Variants in DCHS1 observed in about 807,000 individuals in gnomAD.
The protein encoded by DCHS1 is protocadherin-16.
In DCHS1, 78 loss-of-function variants were observed where a neutral mutation model predicts 213.9. That is an observed-to-expected ratio of 0.36 (90% confidence interval 0.30 to 0.44). The LOEUF is 0.44. DCHS1 is among the 20% of genes least tolerant of loss of function. The pLI, the probability that DCHS1 is intolerant of heterozygous loss-of-function variation, is 1.00. For missense variants in DCHS1, 3,946 were observed against 4,395.9 expected (o/e 0.90, Z 2.89); for synonymous variants, 1,828 against 1,873.7 (o/e 0.98, Z 0.63).
chr11:6,645,086 A>G (rs1437029316), intron 1 of DCHS1, among the ~76,000 whole-genome samples: 2 of 152,228 alleles, frequency 1.3e-5, no homozygotes, highest in Non-Finnish European at 2.9e-5. Context: ...GGTTTTGTGA[A>G]AATTAGAAAC....
At position 6,625,151 on chromosome 11, in the gene DCHS1, A is replaced by T; in HGVS notation, c.7146+47T>A. ...GCTAGCTCTGATACTTCCCTCCAAC[A>T]GGAACAACCCAGGCCCAGGTGTAGG... is the stretch of plus-strand genomic sequence containing the variant. On this transcript the variant is annotated intron_variant, in intron 19 of 20. Coordinates refer to ENST00000299441, the MANE Select transcript of DCHS1 (RefSeq NM_003737.4). The surrounding 1 kb of genome is among the most constrained non-coding windows in gnomAD (Gnocchi z 5.3). 6.5e-7 allele frequency: 1 copy of T among 1,531,020 alleles called. No homozygotes were observed. The highest frequency in any genetic ancestry group is 1.3e-5 in the South Asian group (1 of 76,816). The allele number at this position is 1,531,020 out of a possible 1,614,324, so 94.8% of individuals were successfully genotyped here.
At position 6,628,613 on chromosome 11, in the gene DCHS1, G is replaced by A. The variant is rs752760806; in HGVS notation, c.5371+8C>T. ...TGCTGAATTAAGTGGGAGTGGGAAG[G>A]TTCTCACCTAGGATGCGGTACTGCA... On this transcript the variant is annotated splice_region_variant and intron_variant, in intron 13 of 20. Transcript: ENST00000299441. This position sits in a 1 kb window ranked among gnomAD's most constrained non-coding sequence, Gnocchi z 4.3. The A allele has an allele frequency of 6.2e-7, 1 of 1,613,828 alleles. No individual in the cohort carries two copies. The highest frequency in any genetic ancestry group is 1.3e-5 in the African/African-American group (1 of 75,036).
In DCHS1 at chr11:6,621,438, T is replaced by G. The variant is rs1451016826; in HGVS notation, c.*341A>C. Reference sequence around the variant, plus strand: ...CCCAAAGGAGCTGGGTCCAAACATGTTGGAGGGACCTCCTCCATCCCCCTA... The same window carrying G: ...CCCAAAGGAGCTGGGTCCAAACATGGTGGAGGGACCTCCTCCATCCCCCTA... On this transcript the variant is annotated 3_prime_UTR_variant, in exon 21 of 21. Transcript: ENST00000299441. 2.5e-6 allele frequency: 1 copy of G among 407,062 alleles called. No individual in the cohort carries two copies. The highest frequency in any genetic ancestry group is 2.1e-5 in the South Asian group (1 of 46,896). 25.2% of individuals were successfully genotyped at this position (407,062 alleles called of 1,614,324 possible).
rs1251677517 is a variant in DCHS1, at chr11:6,630,329, C to T, written c.4465G>A (p.Asp1489Asn). 3 of 1,325,098 alleles carry T rather than the reference C, an allele frequency of 2.3e-6. No homozygotes were observed. The South Asian group carries it at 5.3e-5, about 23-fold the overall frequency. The allele number at this position is 1,325,098 out of a possible 1,614,324, so 82.1% of individuals were successfully genotyped here. Residue 1489 changes from aspartate to asparagine, a missense_variant, in exon 10 of 21, where the codon GAC becomes AAC. Physicochemically the swap from Asp to Asn is conservative, Grantham distance 23. This residue lies in a region of DCHS1 where 3,384 missense variants were observed against 3,780.1 expected (regional missense o/e 0.90). Coordinates refer to ENST00000299441, the MANE Select transcript of DCHS1 (RefSeq NM_003737.4). ...QEPPVPALRL[D>N]ARTGALSAPR... ...GCGCTGAGCGCCCCGGTGCGCGCGTCCAGGCGAAGCGCCGGCACGGGCGGC... is the reference window on the plus strand; with the variant it reads ...GCGCTGAGCGCCCCGGTGCGCGCGTTCAGGCGAAGCGCCGGCACGGGCGGC...
Position 6,632,593 on chromosome 11 carries a change from C to A in DCHS1, c.2919G>T (p.Gly973=), listed in dbSNP as rs770998949. ...AGTGGCTGGTGCGTGGTGGGGAGCCCCCATCCCGGGCCTCCAGCTCCAGCT... is the reference window on the plus strand; with the variant it reads ...AGTGGCTGGTGCGTGGTGGGGAGCCACCATCCCGGGCCTCCAGCTCCAGCT... ...AHELELEARD[G]GSPPRTSHFR... The change falls in exon 6 of 21, where the codon GGG becomes GGT. Residue 973 remains glycine, a synonymous_variant. Transcript: ENST00000299441. The surrounding 1 kb of genome is among the most constrained non-coding windows in gnomAD (Gnocchi z 5.9). The A allele has an allele frequency of 2.0e-6, 3 of 1,516,262 alleles. No individual in the cohort carries two copies. In the East Asian group the frequency reaches 7.3e-5, roughly 37 times the overall value. 93.9% of individuals were successfully genotyped at this position (1,516,262 alleles called of 1,614,324 possible). A position where few individuals can be genotyped will look rare whatever the true frequency, so the allele number is the denominator to read the frequency against.
chr11:6,630,239 G>A lies in DCHS1; in HGVS notation c.4555C>T (p.Pro1519Ser), dbSNP rs199544459. 3,807 of 1,549,598 alleles carry A rather than the reference G, an allele frequency of 2.5e-3. 11 individuals carry two copies. The highest frequency in any genetic ancestry group is 3.2e-3 in the Non-Finnish European group (3,658 of 1,150,492). ...GCACGACGGCGGCTGGCGTTGGCGG[G>A]CCGGTCGGTGGCTTCCACCAGCAGC... ...LLLLVEATDRPANASRRRAAR... is the reference protein window; with the variant it reads ...LLLLVEATDRSANASRRRAAR... The change falls in exon 10 of 21, where the codon CCC becomes TCC. Residue 1519 changes from proline to serine, a missense_variant. This residue lies in a region of DCHS1 where 3,384 missense variants were observed against 3,780.1 expected (regional missense o/e 0.90). Coordinates refer to ENST00000299441, the MANE Select transcript of DCHS1 (RefSeq NM_003737.4).
At chr11:6,624,527 T>C (rs1855762397) in intron 20 of DCHS1, 137 bp from the exon 21 acceptor site, 3 of 1,292,222 alleles carry the variant, frequency 2.3e-6, no homozygotes, top group South Asian at 1.5e-5. Context: ...GACAAGGGGA[T>C]GGCCTCAAGG....
In DCHS1 at chr11:6,624,146, A is replaced by G; in HGVS notation, c.7530T>C (p.Asp2510=). 1 of 1,612,256 alleles carries G rather than the reference A, an allele frequency of 6.2e-7. No homozygotes were observed. The highest frequency in any genetic ancestry group is 1.7e-4 in the Middle Eastern group (1 of 6,060). Residue 2510 remains aspartate, a synonymous_variant, in exon 21 of 21, where the codon GAT becomes GAC. Coordinates refer to ENST00000299441, the MANE Select transcript of DCHS1 (RefSeq NM_003737.4). ...TLLTLEATDA[D]GSRSHAAVDY... is the part of the protein sequence containing the mutation. ...CCACAGCGGCATGGCTGCGGCTTCCATCAGCATCTGTAGCCTCCAGGGTGA... is the reference window on the plus strand; with the variant it reads ...CCACAGCGGCATGGCTGCGGCTTCCGTCAGCATCTGTAGCCTCCAGGGTGA...
chr11:6,655,576 G>A lies in DCHS1; in HGVS notation c.-134C>T. ...GCGGGCACTGACCTCCGCGCGACGC[G>A]GGCTCCCTCGCCCGGTGCTGGGGCG... On this transcript the variant is annotated 5_prime_UTR_variant, in exon 1 of 21. Coordinates refer to ENST00000299441, the MANE Select transcript of DCHS1 (RefSeq NM_003737.4). 1.0e-6 allele frequency: 1 copy of A among 980,342 alleles called. No individual in the cohort carries two copies. Among genetic ancestry groups the A allele is most frequent in the Non-Finnish European group, 1.2e-6 (1 of 828,000 alleles). 60.7% of individuals were successfully genotyped at this position (980,342 alleles called of 1,614,324 possible).
Position 6,631,264 on chromosome 11 carries a change from T to G in DCHS1, c.3772+47A>C, listed in dbSNP as rs766424017. 6.8e-6 allele frequency: 11 copies of G among 1,613,826 alleles called. 1 individual carries two copies. In the South Asian group the frequency reaches 1.1e-4, roughly 16 times the overall value. On this transcript the variant is annotated intron_variant, in intron 8 of 20. Coordinates refer to ENST00000299441, the MANE Select transcript of DCHS1 (RefSeq NM_003737.4). ...TTGGGGCCCAGAGCTGGGCAGGCCATGAGGGCATGCCATCACCCACCAATT... is the reference window on the plus strand; with the variant it reads ...TTGGGGCCCAGAGCTGGGCAGGCCAGGAGGGCATGCCATCACCCACCAATT...
At position 6,623,541 on chromosome 11, in the gene DCHS1, C is replaced by T; in HGVS notation, c.8135G>A (p.Ser2712Asn). ...HGPAFPLNLL[S>N]TSVAENQPPG... ...AGGCTGATTCTCGGCCACGCTGGTG[C>T]TGAGTAAGTTCAGTGGGAAGGCTGG... Residue 2712 changes from serine (S) to asparagine (N), a missense_variant, in exon 21 of 21, where the codon AGC (serine) becomes AAC (asparagine). Ser to Asn is a conservative substitution (Grantham distance 46). Transcript: ENST00000299441. 6.2e-7 allele frequency: 1 copy of T among 1,611,660 alleles called. No individual in the cohort carries two copies. The highest frequency in any genetic ancestry group is 8.5e-7 in the Non-Finnish European group (1 of 1,178,964).
intron 1 of DCHS1, among the ~76,000 whole-genome samples, chr11:6,655,095 CA>C (rs1856295624): frequency 6.6e-6 from 1 of 152,148 alleles, no homozygotes; most frequent in African/African-American, 2.4e-5. Context: ...CTCTGTCACA[CA>C]CCCATCCTCC....
chr11:6,630,335 G>A lies in DCHS1; in HGVS notation c.4459C>T (p.Arg1487Cys), dbSNP rs1029423452. Residue 1487 changes from arginine (R) to cysteine (C), a missense_variant, in exon 10 of 21, where the codon CGC becomes TGC. Arg to Cys is a radical substitution (Grantham distance 180). Coordinates refer to ENST00000299441, the MANE Select transcript of DCHS1 (RefSeq NM_003737.4). Reference protein sequence around the residue: ...LRQEPPVPALRLDARTGALSA... With the variant: ...LRQEPPVPALCLDARTGALSA... ...AGCGCCCCGGTGCGCGCGTCCAGGC[G>A]AAGCGCCGGCACGGGCGGCTCCTGG... The A allele has an allele frequency of 2.3e-5, 30 of 1,317,398 alleles. No homozygotes were observed. Among genetic ancestry groups the A allele is most frequent in the Non-Finnish European group, 2.8e-5 (29 of 1,035,512 alleles). The allele number at this position is 1,317,398 out of a possible 1,614,324, so 81.6% of individuals were successfully genotyped here.
chr11:6,629,601 C>A, intron 11 of DCHS1, 24 bp from the exon 12 acceptor site: 1 of 1,613,298 alleles, frequency 6.2e-7, no homozygotes, highest in Middle Eastern at 1.6e-4. Flanking sequence ...GCATGGAGGG[C>A]GATCAGAGGG....
chr11:6,640,165 A>C lies in DCHS1; in HGVS notation c.1449T>G (p.Pro483=). Residue 483 remains proline, a synonymous_variant, in exon 2 of 21, where the codon CCT becomes CCG. Coordinates refer to ENST00000299441, the MANE Select transcript of DCHS1 (RefSeq NM_003737.4). This position sits in a 1 kb window ranked among gnomAD's most constrained non-coding sequence, Gnocchi z 6.5. ...DRQLYRPEPL[P]EVALPGSFVV... is the part of the protein sequence containing the mutation. ...CAAAGCTGCCAGGCAGCGCAACCTC[A>C]GGCAGGGGCTCAGGTCGGTAGAGCT... 1 of 1,613,770 alleles carries C rather than the reference A, an allele frequency of 6.2e-7. No homozygotes were observed. The highest frequency in any genetic ancestry group is 8.5e-7 in the Non-Finnish European group (1 of 1,179,800).
intron 2 of DCHS1, among the ~76,000 whole-genome samples, chr11:6,636,760 G>A (rs1855992248): frequency 6.6e-6 from 1 of 152,056 alleles, no homozygotes; most frequent in Non-Finnish European, 1.5e-5. Flanking sequence ...CTGTTCCCTG[G>A]AATCTCTCCT....
chr11:6,625,206 G>A lies in DCHS1; in HGVS notation c.7138C>T (p.Leu2380Phe), dbSNP rs1429672512. The change falls in exon 19 of 21, where the codon CTC (leucine) becomes TTC (phenylalanine). Residue 2380 changes from leucine (L) to phenylalanine (F), a missense_variant. By Grantham distance (22) the Leu-to-Phe change is conservative. Coordinates refer to ENST00000299441, the MANE Select transcript of DCHS1 (RefSeq NM_003737.4). This position sits in a 1 kb window ranked among gnomAD's most constrained non-coding sequence, Gnocchi z 5.3. ...TCCATGGGTGTCAATACCTGGTAGA[G>A]GCTCTGTGAGAAGGCAGGTGCATTG... ...NDNAPAFSQS[L>F]YQVMLLEHTP... The A allele has an allele frequency of 1.9e-6, 3 of 1,592,166 alleles. No homozygotes were observed. The highest frequency in any genetic ancestry group is 2.2e-5 in the East Asian group (1 of 44,694).
At chr11:6,647,646 C>T (rs1310932700) in intron 1 of DCHS1, among the ~76,000 whole-genome samples, 1 of 152,208 alleles carries the variant, frequency 6.6e-6, no homozygotes, top group Non-Finnish European at 1.5e-5. Context: ...GAAGGAATCC[C>T]GGCTTCCATT....
At position 6,623,453 on chromosome 11, in the gene DCHS1, G is replaced by A. The variant is rs776456642; in HGVS notation, c.8223C>T (p.Leu2741=). 14 of 1,581,174 alleles carry A rather than the reference G, an allele frequency of 8.9e-6. No individual in the cohort carries two copies. In the Admixed American group the frequency reaches 2.6e-4, roughly 29 times the overall value. ...IDGDAGAFGR[L]RYSLLEAGPG... is the part of the protein sequence containing the mutation. ...GCCCAGCCTCCAACAGGCTGTAACG[G>A]AGCCTCCCAAAAGCCCCAGCATCCC... Residue 2741 remains leucine (L), a synonymous_variant, in exon 21 of 21, where the codon CTC becomes CTT. Transcript: ENST00000299441.
Sources: allele counts gnomAD v4.1 joint callset (sites outside exome capture counted in the v4.1 genomes callset), GRCh38; gene constraint gnomAD v4.1.1; regional missense constraint gnomAD v4.1.1; non-coding constraint Gnocchi (gnomAD v3.1); transcripts MANE v1.5; gene names NCBI Gene and HGNC (gene_info 2026-07-23, HGNC 2026-07-21).